Variants in MACO1 observed in about 807,000 individuals in gnomAD.
MACO1 encodes macoilin.
Under a neutral mutation model 78.7 loss-of-function variants are expected in MACO1, and 14 were observed. The ratio of observed to expected loss-of-function variants is 0.18; its 90% CI spans 0.12 to 0.28. The LOEUF is 0.28. Among genes scored for constraint, MACO1 ranks in the 10% least tolerant of loss-of-function variants. The pLI is 1.00. For synonymous variants in MACO1, 288 were observed against 291.6 expected, an observed-to-expected ratio of 0.99 and a Z score of 0.12; for missense variants, 501 against 799.0, an observed-to-expected ratio of 0.63 and a Z score of 4.50.
chr1:25,493,511 A>G (rs1248342577), intron 10 of MACO1, among the ~76,000 whole-genome samples: 1 of 151,876 alleles, frequency 6.6e-6, no homozygotes, highest in Non-Finnish European at 1.5e-5. Context: ...CAGCCTCCCA[A>G]AGTGTTGGGA....
chr1:25,481,295 C>G (rs893779186), intron 6 of MACO1, among the ~76,000 whole-genome samples: 1 of 152,094 alleles, frequency 6.6e-6, no homozygotes, highest in Non-Finnish European at 1.5e-5. Flanking sequence ...GTTTGCTAAT[C>G]TAAAGAGGCA....
In MACO1 at chr1:25,454,402, A is replaced by ATG. The variant is rs375407828; in HGVS notation, c.473+34_473+35dup. The ATG allele has an allele frequency of 2.5e-3, 3,867 of 1,539,994 alleles. 44 individuals carry two copies. In the African/African-American group the frequency reaches 0.042, roughly 17 times the overall value. ...TCACTGGTAAGTATTACATAAATGT[A>ATG]TGTGTGTGTGTGTGTATATGTGTGT... On this transcript the variant is annotated intron_variant, in intron 4 of 10. Coordinates refer to ENST00000374343, the MANE Select transcript of MACO1 (RefSeq NM_018202.6).
At chr1:25,449,576 C>T (rs918592856) in intron 3 of MACO1, among the ~76,000 whole-genome samples, 4 of 151,954 alleles carry the variant, frequency 2.6e-5, no homozygotes, top group Admixed American at 2.6e-4. Context: ...CACTATGTTG[C>T]CCAGGCTGGA....
At position 25,484,301 on chromosome 1, in the gene MACO1, C is replaced by T. The variant is rs1158438331; in HGVS notation, c.1313+27C>T. On this transcript the variant is annotated intron_variant, in intron 7 of 10. Coordinates refer to ENST00000374343, the MANE Select transcript of MACO1 (RefSeq NM_018202.6). ...TACGTGCACCTTTCAGGCCTTTGGCCGTAAGCCCGGCAGCTTCACTGCTTC... is the reference window on the plus strand; with the variant it reads ...TACGTGCACCTTTCAGGCCTTTGGCTGTAAGCCCGGCAGCTTCACTGCTTC... 9 of 1,554,104 alleles carry T rather than the reference C, an allele frequency of 5.8e-6. No individual in the cohort carries two copies. In the East Asian group the frequency reaches 6.9e-5, roughly 12 times the overall value.
At chr1:25,454,626 C>T (rs999027679) in intron 4 of MACO1, among the ~76,000 whole-genome samples, 17 of 151,032 alleles carry the variant, frequency 1.1e-4, no homozygotes, top group South Asian at 4.2e-4. Context: ...GGATTACAGG[C>T]GCGTGCCACC....
chr1:25,469,094 TGG>T (rs869104163), intron 6 of MACO1, among the ~76,000 whole-genome samples: 2 of 123,026 alleles, frequency 1.6e-5, no homozygotes, highest in Non-Finnish European at 3.7e-5. Flanking sequence ...CTGCCTGCCT[TGG>T]CCTCCCAAAG....
intron 5 of MACO1, 110 bp from the exon 6 acceptor site, chr1:25,458,281 T>C: frequency 1.4e-6 from 2 of 1,429,750 alleles, no homozygotes; most frequent in Non-Finnish European, 1.9e-6. Flanking sequence ...TGCAAACTAA[T>C]GTGAATTTCT....
At chr1:25,481,798 C>A (rs2043381502) in intron 6 of MACO1, among the ~76,000 whole-genome samples, 1 of 152,166 alleles carries the variant, frequency 6.6e-6, no homozygotes, top group Non-Finnish European at 1.5e-5. Flanking sequence ...ACTTGTGACC[C>A]TTCCCTGGGG....
chr1:25,460,683 C>G (rs2043163002), intron 6 of MACO1, among the ~76,000 whole-genome samples: 1 of 152,122 alleles, frequency 6.6e-6, no homozygotes, highest in African/African-American at 2.4e-5. Flanking sequence ...TTGATTGACT[C>G]TACTATCTGA....
At chr1:25,431,616 C>T (rs1484768277) in intron 1 of MACO1, among the ~76,000 whole-genome samples, 4 of 152,058 alleles carry the variant, frequency 2.6e-5, no homozygotes, top group African/African-American at 9.7e-5. Context: ...GCGCGTGGAC[C>T]ACAGCGCGGG....
At chr1:25,444,020 G>C (rs1327467550) in intron 1 of MACO1, among the ~76,000 whole-genome samples, 1 of 151,836 alleles carries the variant, frequency 6.6e-6, no homozygotes, top group Admixed American at 6.6e-5. Context: ...GGGAGGCCAA[G>C]GCGGGCAGAT....
chr1:25,471,670 G>A (rs986925150), intron 6 of MACO1, among the ~76,000 whole-genome samples: 2 of 152,058 alleles, frequency 1.3e-5, no homozygotes, highest in Non-Finnish European at 2.9e-5. Flanking sequence ...AAGCAGGGAG[G>A]GTGGCACCCA....
intron 3 of MACO1, among the ~76,000 whole-genome samples, chr1:25,452,760 A>G (rs1173307690): frequency 2.0e-5 from 3 of 149,838 alleles, no homozygotes; most frequent in Non-Finnish European, 4.4e-5. Flanking sequence ...GCAGTGGCGC[A>G]ATCTCGGCTC....
In MACO1 at chr1:25,454,334, A is replaced by T; in HGVS notation, c.425A>T (p.Asp142Val). The T allele has an allele frequency of 6.2e-7, 1 of 1,611,910 alleles. No homozygotes were observed. Among genetic ancestry groups the T allele is most frequent in the Non-Finnish European group, 8.5e-7 (1 of 1,179,284 alleles). ...ATTGAAGCAGCCATTAGATTTAAAGATCTCAAAAACTTTCATGTAGACCTT... is the reference window on the plus strand; with the variant it reads ...ATTGAAGCAGCCATTAGATTTAAAGTTCTCAAAAACTTTCATGTAGACCTT... Reference protein sequence around the residue: ...VYIEAAIRFKDLKNFHVDLCR... With the variant: ...VYIEAAIRFKVLKNFHVDLCR... Residue 142 changes from aspartate to valine, a missense_variant, in exon 4 of 11, where the codon GAT (aspartate) becomes GTT (valine). Transcript: ENST00000374343.
rs116049589 is a variant in MACO1, at chr1:25,497,833, C to T, written c.1793-431C>T. On this transcript the variant is annotated intron_variant, in intron 10 of 10. Coordinates refer to ENST00000374343, the MANE Select transcript of MACO1 (RefSeq NM_018202.6). ...AGGTGGAGCCAGAGTTCAAAATCGC[C>T]AGCCCTCTTACGCTGTCATAGCTGA... 8.4e-3 allele frequency among the ~76,000 whole-genome samples: 1,277 copies of T among 152,298 alleles called. 10 individuals are homozygous for T. Among genetic ancestry groups the T allele is most frequent in the African/African-American group, 0.028 (1,163 of 41,554 alleles).
intron 2 of MACO1, among the ~76,000 whole-genome samples, chr1:25,447,553 C>G (rs973936243): frequency 6.6e-6 from 1 of 152,146 alleles, no homozygotes. Flanking sequence ...AGAAGAGTGG[C>G]TCCATTTTTG....
chr1:25,433,971 G>A (rs539274839), intron 1 of MACO1, among the ~76,000 whole-genome samples: 1 of 152,276 alleles, frequency 6.6e-6, no homozygotes, highest in South Asian at 2.1e-4. Context: ...TTGCTGTTTG[G>A]TCTTGCTTTA....
intron 10 of MACO1, among the ~76,000 whole-genome samples, chr1:25,495,390 G>C (rs1249172296): frequency 6.6e-6 from 1 of 152,208 alleles, no homozygotes. Flanking sequence ...AAAAGATACA[G>C]TGGCTTATAT....
chr1:25,453,443 C>G (rs917089456), intron 3 of MACO1, among the ~76,000 whole-genome samples: 3 of 150,898 alleles, frequency 2.0e-5, no homozygotes, highest in Admixed American at 1.3e-4. Flanking sequence ...GTGGGCGGAT[C>G]ACGAGGTCAG....
Sources: gnomAD v4.1 joint callset for allele counts (sites outside exome capture counted in the v4.1 genomes callset) on GRCh38, gnomAD v4.1.1 for gene constraint, MANE v1.5 for transcripts, NCBI Gene and HGNC (gene_info 2026-07-23, HGNC 2026-07-21) for gene names.